The following RALYL variants were observed in gnomAD, a reference collection of about 807,000 sequenced individuals.
RALYL encodes RALY RNA binding protein like.
In RALYL, 29 loss-of-function variants were observed where a neutral mutation model predicts 35.1. The observed-to-expected ratio is 0.83, with a 90% CI of 0.61 to 1.13. The LOEUF (loss-of-function observed/expected upper bound fraction) is 1.13, where lower values mean the gene tolerates loss of function less well. RALYL is among the 50% of genes most tolerant of loss of function. The pLI is 0.00. For missense variants in RALYL, 359 were observed against 360.4 expected (o/e 1.00, Z 0.03); for synonymous variants, 120 against 127.6 (o/e 0.94, Z 0.40).
intron 2 of RALYL, among the ~76,000 whole-genome samples, chr8:84,597,115 G>A (rs1256773083): frequency 6.6e-6 from 1 of 152,154 alleles, no homozygotes; most frequent in Non-Finnish European, 1.5e-5. Context: ...CTAAGACAGT[G>A]AAGTTTCTTC....
At chr8:84,809,146 A>G (rs1198738881) in intron 4 of RALYL, among the ~76,000 whole-genome samples, 2 of 152,024 alleles carry the variant, frequency 1.3e-5, no homozygotes, top group African/African-American at 4.8e-5. Flanking sequence ...TGGGTTTTTC[A>G]TAGATGGCTT....
At chr8:84,390,602 T>C (rs1860437006) in intron 1 of RALYL, among the ~76,000 whole-genome samples, 1 of 152,158 alleles carries the variant, frequency 6.6e-6, no homozygotes, top group Non-Finnish European at 1.5e-5. Context: ...TTTATCCATT[T>C]CTTCTAGATT....
intron 2 of RALYL, among the ~76,000 whole-genome samples, chr8:84,723,601 C>T (rs1211055342): frequency 6.6e-6 from 1 of 151,908 alleles, no homozygotes; most frequent in Admixed American, 6.6e-5. Context: ...GAAATGGTGA[C>T]TAATAAATGT....
intron 1 of RALYL, among the ~76,000 whole-genome samples, chr8:84,479,171 A>T (rs1399375344): frequency 6.8e-6 from 1 of 147,558 alleles, no homozygotes; most frequent in Non-Finnish European, 1.5e-5. Flanking sequence ...CTTTAATCTC[A>T]TATACTTTTG....
intron 2 of RALYL, among the ~76,000 whole-genome samples, chr8:84,688,761 G>C (rs938289289): frequency 1.3e-5 from 2 of 152,008 alleles, no homozygotes; most frequent in African/African-American, 4.8e-5. Flanking sequence ...TTCACAGCAA[G>C]GGAAACAATC....
chr8:84,503,462 C>A (rs920853697), intron 1 of RALYL, among the ~76,000 whole-genome samples: 1 of 151,912 alleles, frequency 6.6e-6, no homozygotes, highest in African/African-American at 2.4e-5. Context: ...ATACCCACTT[C>A]ACTTCTTTTC....
At chr8:84,792,782 G>T (rs1404138232) in intron 3 of RALYL, among the ~76,000 whole-genome samples, 1 of 152,170 alleles carries the variant, frequency 6.6e-6, no homozygotes, top group Non-Finnish European at 1.5e-5. Context: ...AGCAGTTAGA[G>T]TTTGTATATG....
At chr8:84,422,436 T>G (rs2045756141) in intron 1 of RALYL, among the ~76,000 whole-genome samples, 1 of 132,684 alleles carries the variant, frequency 7.5e-6, no homozygotes, top group Non-Finnish European at 1.6e-5. Context: ...GATTCTTCTC[T>G]CTTTTTTTCT....
At chr8:84,346,618 G>A (rs1169006780) in intron 1 of RALYL, among the ~76,000 whole-genome samples, 1 of 151,996 alleles carries the variant, frequency 6.6e-6, no homozygotes, top group Non-Finnish European at 1.5e-5. Flanking sequence ...ACAGGTGTGT[G>A]CCACCATGTC....
At chr8:84,485,250 C>G (rs1024712005) in intron 1 of RALYL, among the ~76,000 whole-genome samples, 14 of 152,036 alleles carry the variant, frequency 9.2e-5, no homozygotes, top group African/African-American at 3.4e-4. Flanking sequence ...GATGTCAGCA[C>G]CTGGGGGCCT....
intron 2 of RALYL, among the ~76,000 whole-genome samples, chr8:84,654,735 A>G (rs1054599426): frequency 5.3e-5 from 8 of 152,052 alleles, no homozygotes; most frequent in Non-Finnish European, 1.2e-4. Flanking sequence ...CTCAAGTTCC[A>G]TCTATGTTGT....
At chr8:84,678,244 AGTTTTTTTGTT>A (rs1834618583) in intron 2 of RALYL, among the ~76,000 whole-genome samples, 2 of 151,610 alleles carry the variant, frequency 1.3e-5, no homozygotes, top group Admixed American at 6.6e-5. Context: ...CTGCAAGTAT[AGTTTTTTTGTT>A]GTTTTTTTGT....
chr8:84,731,843 G>A (rs138118616), intron 2 of RALYL, among the ~76,000 whole-genome samples: 32 of 152,252 alleles, frequency 2.1e-4, no homozygotes, highest in African/African-American at 7.5e-4. Flanking sequence ...ATAGGCAGCA[G>A]TGCCAACCTC....
intron 4 of RALYL, among the ~76,000 whole-genome samples, chr8:84,805,842 A>G (rs547230354): frequency 2.9e-4 from 44 of 152,186 alleles, no homozygotes; most frequent in Non-Finnish European, 5.9e-4. Flanking sequence ...TTATGAAAGG[A>G]CTTTTGCACT....
At chr8:84,289,338 A>G (rs950501166) in intron 1 of RALYL, among the ~76,000 whole-genome samples, 2 of 152,178 alleles carry the variant, frequency 1.3e-5, no homozygotes, top group Admixed American at 1.3e-4. Flanking sequence ...TAAAGTAAAG[A>G]AAAAAATGCT....
chr8:84,454,256 G>C (rs922966156), intron 1 of RALYL, among the ~76,000 whole-genome samples: 2 of 152,010 alleles, frequency 1.3e-5, no homozygotes, highest in Non-Finnish European at 2.9e-5. Flanking sequence ...GATGGGGGAA[G>C]TGGTGACTAG....
At chr8:84,238,398 A>G (rs1827091562) in intron 1 of RALYL, among the ~76,000 whole-genome samples, 1 of 152,160 alleles carries the variant, frequency 6.6e-6, no homozygotes, top group Middle Eastern at 3.4e-3. Flanking sequence ...AATCTTCTTG[A>G]GGGAAGACTT....
At position 84,497,636 on chromosome 8, in the gene RALYL, G is replaced by GT. The variant is rs1275818557; in HGVS notation, c.-23-31658dup. On this transcript the variant is annotated intron_variant, in intron 1 of 8. Transcript: ENST00000521268. ...AGGTTTTGTTTTTTTTGTTGTTTTT[G>GT]TTTTTGTTTTTTTTTTTTTTTTTGA... is the stretch of plus-strand genomic sequence containing the variant. 1.7e-3 allele frequency among the ~76,000 whole-genome samples: 190 copies of GT among 111,544 alleles called. 1 individual carries two copies. The highest frequency in any genetic ancestry group is 5.8e-3 in the African/African-American group (167 of 28,872). 73.2% of individuals were successfully genotyped at this position (111,544 alleles called of 152,430 possible).
intron 4 of RALYL, among the ~76,000 whole-genome samples, chr8:84,844,932 C>A (rs1242783855): frequency 6.6e-6 from 1 of 151,078 alleles, no homozygotes; most frequent in Non-Finnish European, 1.5e-5. Flanking sequence ...AACACATGGA[C>A]ACAGGAAGGG....
Sources: allele counts gnomAD v4.1 joint callset (sites outside exome capture counted in the v4.1 genomes callset), GRCh38; gene constraint gnomAD v4.1.1; transcripts MANE v1.5; gene names NCBI Gene and HGNC (gene_info 2026-07-23, HGNC 2026-07-21).